ARMCX4: variants seen among roughly 807,000 people sequenced by gnomAD.
The protein encoded by ARMCX4 is armadillo repeat containing X-linked 4, also known as armadillo repeat-containing X-linked protein 4.
A neutral mutation model predicts 34.7 loss-of-function variants in ARMCX4; 3 were observed. That is an observed-to-expected ratio of 0.09 (90% CI 0.04 to 0.22). The LOEUF (loss-of-function observed/expected upper bound fraction) is 0.22. Ranked by LOEUF, ARMCX4 falls within the 10% of genes least tolerant of loss-of-function variation. The pLI is 1.00. For synonymous variants in ARMCX4, 513 were observed against 632.8 expected (o/e 0.81, Z 2.84); for missense variants, 1,448 against 1,720.8 (o/e 0.84, Z 2.81).
chrX:101,464,620 C>T (rs964394519), intron 4 of ARMCX4, among the ~76,000 whole-genome samples: 3 of 111,235 alleles, frequency 2.7e-5, no homozygotes, highest in African/African-American at 9.8e-5. Flanking sequence ...CTCCAATATG[C>T]ACAACTCCAA....
chrX:101,431,822 C>T (rs889979294), intron 2 of ARMCX4, among the ~76,000 whole-genome samples: 6 of 112,440 alleles, frequency 5.3e-5, no homozygotes, highest in East Asian at 2.8e-4. Flanking sequence ...GGATTATAGG[C>T]GTGAGCCACC....
In ARMCX4 at chrX:101,492,731, T is replaced by C. The variant is rs1270902315; in HGVS notation, c.4142T>C (p.Leu1381Pro). The C allele has an allele frequency of 2.7e-6, 3 of 1,107,461 alleles. No individual in the cohort carries two copies. The highest frequency in any genetic ancestry group is 5.7e-5 in the Admixed American group (2 of 35,348). The allele number at this position is 1,107,461 out of a possible 1,213,427, so 91.3% of individuals were successfully genotyped here. The stretch of plus-strand genomic sequence containing the variant: ...AGTGGTGGGGCCTGGGCTGGGACAC[T>C]TGATCAGTCTGGTGGTGGGTCCAAG... ...QSSGGAWAGT[L>P]DQSGGGSKPR... The change falls in exon 6 of 6, where the codon CTT becomes CCT. Residue 1381 changes from leucine (L) to proline (P), a missense_variant. Physicochemically the swap from Leu to Pro is moderately conservative, Grantham distance 98. Coordinates refer to ENST00000423738, the MANE Select transcript of ARMCX4 (RefSeq NM_001256155.3).
intron 3 of ARMCX4, among the ~76,000 whole-genome samples, chrX:101,445,531 A>G (rs984410300): frequency 8.9e-6 from 1 of 112,330 alleles, no homozygotes; most frequent in Non-Finnish European, 1.9e-5. Context: ...ACAAGTCTTG[A>G]GGAGAGTGTC....
At chrX:101,485,761 G>A (rs886796845) in intron 1 of ARMCX4, among the ~76,000 whole-genome samples, 1 of 112,291 alleles carries the variant, frequency 8.9e-6, no homozygotes, top group Admixed American at 9.4e-5. Flanking sequence ...AGATTGAGAT[G>A]CCCATCGCTC....
chrX:101,458,517 CTT>C (rs1297100721), intron 4 of ARMCX4, among the ~76,000 whole-genome samples: 1 of 103,056 alleles, frequency 9.7e-6, no homozygotes, highest in Admixed American at 1.1e-4. Flanking sequence ...TATCCCCCCC[CTT>C]TTTTTTTTTT....
At chrX:101,434,261 T>TC (rs1381318511) in intron 2 of ARMCX4, among the ~76,000 whole-genome samples, 4 of 106,854 alleles carry the variant, frequency 3.7e-5, no homozygotes, top group Non-Finnish European at 5.8e-5. Context: ...ATTCTTTTTT[T>TC]TTTTTTTTTT....
At position 101,465,141 on chromosome X, in the gene ARMCX4, A is replaced by G. The variant is rs997161374; in HGVS notation, c.-473+19097A>G. ...AAGCAATATAAAACAGGAAGAACAA[A>G]TACAAAGCAAAAAGTAAGATGGTAG... On this transcript the variant is annotated intron_variant and NMD_transcript_variant, in intron 4 of 15. Transcript: ENST00000433011. Among the ~76,000 whole-genome samples, 3 of 111,676 alleles carry G rather than the reference A, an allele frequency of 2.7e-5. No individual in the cohort carries two copies. In the East Asian group the frequency reaches 8.3e-4, roughly 31 times the overall value.
intron 2 of ARMCX4, among the ~76,000 whole-genome samples, chrX:101,425,027 G>A (rs1226682981): frequency 8.9e-6 from 1 of 111,897 alleles, no homozygotes; most frequent in African/African-American, 3.3e-5. Context: ...AGGCCAAAGA[G>A]TATCAGAGTG....
chrX:101,450,720 T>C (rs1462475484), downstream of ARMCX4, among the ~76,000 whole-genome samples: 3 of 112,044 alleles, frequency 2.7e-5, no homozygotes, highest in Non-Finnish European at 5.6e-5. Flanking sequence ...AGGCCCATAG[T>C]GTACTTTCTG....
chrX:101,494,188 G>T lies in ARMCX4; in HGVS notation c.5599G>T (p.Ala1867Ser). Residue 1867 changes from alanine (A) to serine (S), a missense_variant, in exon 6 of 6, where the codon GCT (alanine) becomes TCT (serine). Ala to Ser is a moderately conservative substitution (Grantham distance 99). Around this residue, in one of 2 missense-constraint regions of ARMCX4, gnomAD observed 1,343 missense variants for 1,540.7 expected, o/e 0.87. Coordinates refer to ENST00000423738, the MANE Select transcript of ARMCX4 (RefSeq NM_001256155.3). ...AACCACTGTAGAGTCTAGGCTTGGGGCTGGGGAAGAGGCTGGTGTAGAGTC... is the reference window on the plus strand; with the variant it reads ...AACCACTGTAGAGTCTAGGCTTGGGTCTGGGGAAGAGGCTGGTGTAGAGTC... ...DATTVESRLG[A>S]GEEAGVESWT... is the part of the protein sequence containing the mutation. The T allele has an allele frequency of 8.7e-7, 1 of 1,148,540 alleles. No individual in the cohort carries two copies. The highest frequency in any genetic ancestry group is 1.2e-6 in the Non-Finnish European group (1 of 869,020). 94.7% of individuals were successfully genotyped at this position (1,148,540 alleles called of 1,213,427 possible). A position where few individuals can be genotyped will look rare whatever the true frequency, so the allele number is the denominator to read the frequency against.
At chrX:101,443,148 A>AT (rs1555997393) in intron 2 of ARMCX4, among the ~76,000 whole-genome samples, 1 of 109,639 alleles carries the variant, frequency 9.1e-6, no homozygotes, top group Non-Finnish European at 1.9e-5. Flanking sequence ...AAAAAAAAAA[A>AT]AAGAAATATA....
chrX:101,441,296 C>A (rs1555996839), intron 2 of ARMCX4, among the ~76,000 whole-genome samples: 1 of 111,256 alleles, frequency 9.0e-6, no homozygotes, highest in Non-Finnish European at 1.9e-5. Context: ...GTTCACATAA[C>A]TGCTAAGAGG....
intron 10 of ARMCX4, among the ~76,000 whole-genome samples, chrX:101,510,099 C>A (rs144882424): frequency 0.017 from 1,890 of 111,884 alleles, 37 homozygotes; most frequent in African/African-American, 0.058. Flanking sequence ...CTTTTTCATA[C>A]TTCCAGGATT....
At chrX:101,450,118 C>T (rs182649504), downstream of ARMCX4, among the ~76,000 whole-genome samples, 175 of 112,295 alleles carry the variant, frequency 1.6e-3, no homozygotes, top group African/African-American at 5.5e-3. Context: ...GGAGGTTAAG[C>T]GAGAAAAGTA....
intron 8 of ARMCX4, among the ~76,000 whole-genome samples, chrX:101,508,532 AG>A (rs1191493050): frequency 9.0e-6 from 1 of 111,116 alleles, no homozygotes; most frequent in African/African-American, 3.3e-5. Flanking sequence ...CTCTATTCTT[AG>A]TACCCAATTT....
chrX:101,481,347 C>T (rs782094538), upstream of ARMCX4, among the ~76,000 whole-genome samples: 2 of 112,160 alleles, frequency 1.8e-5, no homozygotes, highest in South Asian at 7.4e-4. Context: ...AGATATTCAA[C>T]ACTTTATTAT....
intron 11 of ARMCX4, among the ~76,000 whole-genome samples, chrX:101,517,990 C>T: frequency 9.0e-6 from 1 of 111,584 alleles, no homozygotes. Context: ...GCACATAAAA[C>T]ATATAAAATC....
At chrX:101,433,229 T>C (rs868939135) in intron 2 of ARMCX4, among the ~76,000 whole-genome samples, 1 of 27,634 alleles carries the variant, frequency 3.6e-5, no homozygotes, top group Non-Finnish European at 1.2e-4. Context: ...TATACATATA[T>C]GTACACATAT....
At chrX:101,458,686 C>CA (rs1556000766) in intron 4 of ARMCX4, among the ~76,000 whole-genome samples, 1 of 110,278 alleles carries the variant, frequency 9.1e-6, no homozygotes, top group Non-Finnish European at 1.9e-5. Flanking sequence ...GGGATTTTAT[C>CA]ATGTTGGCCA....
Sources: gnomAD v4.1 joint callset for allele counts (sites outside exome capture counted in the v4.1 genomes callset) on GRCh38, gnomAD v4.1.1 for gene constraint, gnomAD v4.1.1 regional missense constraint, MANE v1.5 for transcripts, NCBI Gene and HGNC (gene_info 2026-07-23, HGNC 2026-07-21) for gene names.